The following ZBTB2 variants were observed in gnomAD, a reference collection of about 807,000 sequenced individuals.
ZBTB2 encodes zinc finger and BTB domain containing 2, also known as zinc finger and BTB domain-containing protein 2.
ZBTB2 carries 2 observed loss-of-function variants against 39.5 expected under a neutral mutation model. The observed-to-expected ratio is 0.05, with a 90% CI of 0.02 to 0.16. ZBTB2 has a LOEUF of 0.16. Ranked by LOEUF, ZBTB2 falls within the 10% of genes least tolerant of loss-of-function variation. The probability of loss-of-function intolerance (pLI) is 1.00; values close to 1 mark genes in which losing one functional copy is unlikely to be tolerated. For synonymous variants in ZBTB2, 251 were observed against 256.6 expected (o/e 0.98, Z 0.21); for missense variants, 391 against 653.0 (o/e 0.60, Z 4.37).
intron 1 of ZBTB2, among the ~76,000 whole-genome samples, chr6:151,380,303 G>A (rs1264322592): frequency 6.6e-6 from 1 of 152,204 alleles, no homozygotes; most frequent in Non-Finnish European, 1.5e-5. Flanking sequence ...TGTTCCATAT[G>A]TGAACTGCCT....
Position 151,364,226 on chromosome 6 carries a change from C to T in ZBTB2, c.*1295G>A, listed in dbSNP as rs1458298125. 1 of 152,542 alleles carries T rather than the reference C, an allele frequency of 6.6e-6. No homozygotes were observed. The highest frequency in any genetic ancestry group is 6.6e-5 in the Admixed American group (1 of 15,266). 9.4% of individuals were successfully genotyped at this position (152,542 alleles called of 1,614,324 possible). A position where few individuals can be genotyped will look rare whatever the true frequency, so the allele number is the denominator to read the frequency against. On this transcript the variant is annotated 3_prime_UTR_variant, in exon 3 of 3. Transcript: ENST00000325144. ...TGGGATATTCAGTTTTTAACATATA[C>T]ATATACTATAGCTATTAGCTATTCT...
chr6:151,372,951 G>A (rs1465469585), intron 2 of ZBTB2, among the ~76,000 whole-genome samples: 3 of 151,812 alleles, frequency 2.0e-5, no homozygotes, highest in African/African-American at 2.4e-5. Context: ...TCAGGAGATC[G>A]AGACCGTCCT....
In ZBTB2 at chr6:151,373,605, C is replaced by G. The variant is rs769462604; in HGVS notation, c.33G>C (p.Leu11=). 6.2e-7 allele frequency: 1 copy of G among 1,614,064 alleles called. No homozygotes were observed. Among genetic ancestry groups the G allele is most frequent in the Non-Finnish European group, 8.5e-7 (1 of 1,179,998 alleles). Reference sequence around the variant, plus strand: ...ACTCTCGCTGAGCGTTTAACTGTTGCAGTAGAATAAGTCCATGGTTGGCCA... The same window carrying G: ...ACTCTCGCTGAGCGTTTAACTGTTGGAGTAGAATAAGTCCATGGTTGGCCA... MDLANHGLIL[L]QQLNAQREFG... The change falls in exon 2 of 3, where the codon CTG becomes CTC. Residue 11 remains leucine, a synonymous_variant. Coordinates refer to ENST00000325144, the MANE Select transcript of ZBTB2 (RefSeq NM_020861.3).
At chr6:151,379,326 G>A (rs1344905548) in intron 1 of ZBTB2, among the ~76,000 whole-genome samples, 1 of 151,596 alleles carries the variant, frequency 6.6e-6, no homozygotes, top group African/African-American at 2.4e-5. Context: ...TTTCCTATTC[G>A]ATTGTCTTTT....
intron 1 of ZBTB2, among the ~76,000 whole-genome samples, chr6:151,389,870 TA>T (rs1188029040): frequency 1.3e-5 from 2 of 152,092 alleles, no homozygotes; most frequent in Admixed American, 6.5e-5. Context: ...TACTACCAGC[TA>T]AAAGCGGCAA....
chr6:151,379,036 AC>A (rs753034572), intron 1 of ZBTB2, among the ~76,000 whole-genome samples: 3 of 152,236 alleles, frequency 2.0e-5, no homozygotes, highest in Non-Finnish European at 4.4e-5. Context: ...GGAATGTGCT[AC>A]ATGACAGTGT....
rs1779307731 is a variant in ZBTB2 at position 151,391,502 on chromosome 6, C to CGCCTCT, written c.-101_-96dup. On this transcript the variant is annotated 5_prime_UTR_variant, in exon 1 of 3. Transcript: ENST00000325144. ...GCCGTGCTGTCCTCCCCGCCGCCGC[C>CGCCTCT]GCCTCTGCCTCTCGCTGCTGCTGCT... 1 of 153,102 alleles carries CGCCTCT rather than the reference C, an allele frequency of 6.5e-6. No individual in the cohort carries two copies. The highest frequency in any genetic ancestry group is 2.4e-5 in the African/African-American group (1 of 41,422). 9.5% of individuals were successfully genotyped at this position (153,102 alleles called of 1,614,324 possible).
At chr6:151,382,552 GT>G (rs1313711851) in intron 1 of ZBTB2, among the ~76,000 whole-genome samples, 2 of 140,442 alleles carry the variant, frequency 1.4e-5, no homozygotes, top group Non-Finnish European at 3.1e-5. Flanking sequence ...ACTGCGCCTG[GT>G]CTTTTTTTTT....
chr6:151,366,972 C>T lies in ZBTB2; in HGVS notation c.174-80G>A. On this transcript the variant is annotated intron_variant, in intron 2 of 2. Transcript: ENST00000325144. This position sits in a 1 kb window ranked among gnomAD's most constrained non-coding sequence, Gnocchi z 7.1. ...TAAAGCCTGAAGAAAAAAATGAATG[C>T]TTAAAAACAAAGGAAACAACATTTC... 2.1e-6 allele frequency: 3 copies of T among 1,403,966 alleles called. No homozygotes were observed. The East Asian group carries it at 6.9e-5, about 32-fold the overall frequency. 87.0% of individuals were successfully genotyped at this position (1,403,966 alleles called of 1,614,324 possible). A position where few individuals can be genotyped will look rare whatever the true frequency, so the allele number is the denominator to read the frequency against.
intron 1 of ZBTB2, among the ~76,000 whole-genome samples, chr6:151,380,928 C>A (rs1371098961): frequency 6.6e-6 from 1 of 152,122 alleles, no homozygotes; most frequent in East Asian, 1.9e-4. Context: ...CCATTTACCC[C>A]AAAGGACAAT....
chr6:151,380,280 A>G (rs1779003427), intron 1 of ZBTB2, among the ~76,000 whole-genome samples: 1 of 152,232 alleles, frequency 6.6e-6, no homozygotes, highest in African/African-American at 2.4e-5. Flanking sequence ...AACCAAAACC[A>G]AAACCCCTAG....
At chr6:151,374,860 G>A (rs1251334147) in intron 1 of ZBTB2, among the ~76,000 whole-genome samples, 1 of 147,416 alleles carries the variant, frequency 6.8e-6, no homozygotes. Context: ...CAGCACTTTC[G>A]GAGGTGGGCG....
At chr6:151,390,554 C>G (rs1241997339) in intron 1 of ZBTB2, among the ~76,000 whole-genome samples, 1 of 150,420 alleles carries the variant, frequency 6.6e-6, no homozygotes, top group Non-Finnish European at 1.5e-5. Context: ...GGGGGTGGCC[C>G]AGACAGGGAG....
chr6:151,382,606 A>G (rs1270563088), intron 1 of ZBTB2, among the ~76,000 whole-genome samples: 2 of 150,588 alleles, frequency 1.3e-5, no homozygotes, highest in Admixed American at 1.3e-4. Context: ...GCTGGAGTGA[A>G]ATGGCGCGCA....
At chr6:151,381,706 C>A (rs1582922063) in intron 1 of ZBTB2, among the ~76,000 whole-genome samples, 1 of 152,260 alleles carries the variant, frequency 6.6e-6, no homozygotes, top group East Asian at 1.9e-4. Flanking sequence ...GCTTTCCAGG[C>A]TTTCTGATTT....
intron 1 of ZBTB2, among the ~76,000 whole-genome samples, chr6:151,390,542 G>A (rs1451090178): frequency 6.6e-6 from 1 of 150,602 alleles, no homozygotes; most frequent in Non-Finnish European, 1.5e-5. Context: ...GGCGCCGGGG[G>A]CGGGGGTGGC....
chr6:151,381,417 A>T (rs1779032673), intron 1 of ZBTB2, among the ~76,000 whole-genome samples: 1 of 152,118 alleles, frequency 6.6e-6, no homozygotes, highest in Non-Finnish European at 1.5e-5. Context: ...GCTACTCAAG[A>T]GGCTGAGGCA....
chr6:151,385,363 G>C (rs539865879), intron 1 of ZBTB2, among the ~76,000 whole-genome samples: 11 of 152,298 alleles, frequency 7.2e-5, no homozygotes, highest in African/African-American at 2.6e-4. Flanking sequence ...TGACCACCTA[G>C]CTGTCACTTG....
At chr6:151,388,663 G>A (rs1213203394) in intron 1 of ZBTB2, among the ~76,000 whole-genome samples, 1 of 152,100 alleles carries the variant, frequency 6.6e-6, no homozygotes, top group Non-Finnish European at 1.5e-5. Flanking sequence ...CACTTTCCCT[G>A]GCCATGAACA....
Sources: gnomAD v4.1 joint callset for allele counts (sites outside exome capture counted in the v4.1 genomes callset) on GRCh38, gnomAD v4.1.1 for gene constraint, Gnocchi (gnomAD v3.1) non-coding constraint, MANE v1.5 for transcripts, NCBI Gene and HGNC (gene_info 2026-07-23, HGNC 2026-07-21) for gene names.